The following PDIA5 variants were observed in gnomAD, a reference collection of about 807,000 sequenced individuals.
PDIA5 encodes the protein protein disulfide-isomerase A5.
Under a neutral mutation model 77.6 loss-of-function variants are expected in PDIA5, and 58 were observed. That is an observed-to-expected ratio of 0.75 (90% CI 0.61 to 0.93). The LOEUF is 0.93. Ranked by LOEUF, PDIA5 falls within the 40% of genes least tolerant of loss-of-function variation. The pLI is 0.00. For missense variants in PDIA5, 630 were observed against 647.7 expected (o/e 0.97, Z 0.30); for synonymous variants, 250 against 252.1 (o/e 0.99, Z 0.08).
In PDIA5 at chr3:123,124,127, T is replaced by G; in HGVS notation, c.671T>G (p.Val224Gly). 6.2e-7 allele frequency: 1 copy of G among 1,614,082 alleles called. No individual in the cohort carries two copies. Residue 224 changes from valine (V) to glycine (G), a missense_variant, in exon 9 of 17, where the codon GTG becomes GGG. Val to Gly is a moderately radical substitution (Grantham distance 109, BLOSUM62 -3). Coordinates refer to ENST00000316218, the MANE Select transcript of PDIA5 (RefSeq NM_006810.4). Reference protein sequence around the residue: ...EFENIKEEYSVRGFPTICYFE... With the variant: ...EFENIKEEYSGRGFPTICYFE... ...GAAAACATCAAGGAGGAGTACAGCGTGCGCGGCTTCCCCACCATCTGCTAT... is the reference window on the plus strand; with the variant it reads ...GAAAACATCAAGGAGGAGTACAGCGGGCGCGGCTTCCCCACCATCTGCTAT...
intron 11 of PDIA5, among the ~76,000 whole-genome samples, chr3:123,137,017 T>A (rs544608620): frequency 1.3e-5 from 2 of 152,358 alleles, no homozygotes; most frequent in African/African-American, 4.8e-5. Flanking sequence ...ACAGTGAGCA[T>A]TGGTAAACAT....
At chr3:123,132,847 C>G (rs922486594) in intron 11 of PDIA5, among the ~76,000 whole-genome samples, 7 of 152,204 alleles carry the variant, frequency 4.6e-5, no homozygotes, top group Admixed American at 2.6e-4. Flanking sequence ...CCCCATGTGT[C>G]TGTCCTTCCA....
At chr3:123,099,088 A>G (rs1377614225) in intron 3 of PDIA5, among the ~76,000 whole-genome samples, 1 of 152,172 alleles carries the variant, frequency 6.6e-6, no homozygotes, top group Non-Finnish European at 1.5e-5. Context: ...ACTCACACTT[A>G]TACATTTTGA....
intron 1 of PDIA5, among the ~76,000 whole-genome samples, chr3:123,085,336 C>A (rs922483555): frequency 6.6e-6 from 1 of 152,088 alleles, no homozygotes; most frequent in Non-Finnish European, 1.5e-5. Flanking sequence ...GCTTCAAAAC[C>A]GGATTGGCTA....
chr3:123,084,173 G>T (rs532569291), intron 1 of PDIA5, among the ~76,000 whole-genome samples: 2 of 152,012 alleles, frequency 1.3e-5, no homozygotes, highest in Non-Finnish European at 2.9e-5. Flanking sequence ...ACTAACGCCC[G>T]CACGCCCCCA....
intron 3 of PDIA5, among the ~76,000 whole-genome samples, chr3:123,100,740 T>G (rs2589597): frequency 0.77 from 116,549 of 152,232 alleles, 44,671 homozygotes; most frequent in Middle Eastern, 0.79. Context: ...ATGAGGTCCT[T>G]CGTTTTTTAC....
At chr3:123,114,351 C>T (rs747184904) in intron 7 of PDIA5, among the ~76,000 whole-genome samples, 1 of 148,448 alleles carries the variant, frequency 6.7e-6, no homozygotes, top group African/African-American at 2.6e-5. Context: ...TTTCCCCCAC[C>T]ATGGACTGGG....
At chr3:123,111,120 C>T (rs1229593761) in intron 7 of PDIA5, 116 bp downstream of exon 7, 4 of 744,536 alleles carry the variant, frequency 5.4e-6, no homozygotes, top group Admixed American at 4.1e-5. Flanking sequence ...TGGCTTAGAA[C>T]GCTGAATCTC....
intron 1 of PDIA5, chr3:123,067,491 A>C: frequency 2.7e-6 from 1 of 373,276 alleles, no homozygotes; most frequent in Non-Finnish European, 4.8e-6. Context: ...CTTTGCGGGG[A>C]TGCAGGTCGG....
chr3:123,115,366 G>A (rs538679646), intron 7 of PDIA5, among the ~76,000 whole-genome samples: 170 of 152,288 alleles, frequency 1.1e-3, no homozygotes, highest in Non-Finnish European at 1.4e-3. Flanking sequence ...TTGGGACCTG[G>A]CCTTCCTGGT....
At chr3:123,158,146 A>G (rs1483496726) in intron 15 of PDIA5, among the ~76,000 whole-genome samples, 2 of 152,242 alleles carry the variant, frequency 1.3e-5, no homozygotes, top group East Asian at 3.8e-4. Flanking sequence ...AGACCTGTGT[A>G]AATGTTGACT....
At chr3:123,151,782 G>GCCTGCCTGCCT in intron 14 of PDIA5, among the ~76,000 whole-genome samples, 1 of 50,154 alleles carries the variant, frequency 2.0e-5, no homozygotes, top group African/African-American at 8.3e-5. Flanking sequence ...CTGCCTGCCT[G>GCCTGCCTGCCT]GCCTGCCTTC....
intron 11 of PDIA5, among the ~76,000 whole-genome samples, chr3:123,143,197 AAC>A (rs1474823616): frequency 9.9e-5 from 15 of 151,888 alleles, no homozygotes; most frequent in African/African-American, 3.6e-4. Context: ...CATCCTGGCT[AAC>A]ACAGTGAAAC....
chr3:123,107,411 C>T lies in PDIA5; in HGVS notation c.480+570C>T, dbSNP rs188730816. Reference sequence around the variant, plus strand: ...GTATTTAACAAAAGCTATGACAGGCCGGTTGTGGTAGCGGGTGCCTGTGAT... The same window carrying T: ...GTATTTAACAAAAGCTATGACAGGCTGGTTGTGGTAGCGGGTGCCTGTGAT... On this transcript the variant is annotated intron_variant, in intron 6 of 16. Transcript: ENST00000316218. 7.2e-5 allele frequency among the ~76,000 whole-genome samples: 11 copies of T among 152,160 alleles called. No individual in the cohort carries two copies. In the East Asian group the frequency reaches 1.4e-3, roughly 19 times the overall value.
intron 13 of PDIA5, among the ~76,000 whole-genome samples, chr3:123,149,727 G>A (rs979546913): frequency 7.2e-5 from 11 of 152,234 alleles, no homozygotes; most frequent in East Asian, 1.9e-4. Context: ...AAAAGAAAAC[G>A]GAGGCTCAGA....
intron 8 of PDIA5, among the ~76,000 whole-genome samples, chr3:123,122,845 C>T (rs530897663): frequency 6.6e-6 from 1 of 152,220 alleles, no homozygotes; most frequent in African/African-American, 2.4e-5. Flanking sequence ...GTTCAGCTTC[C>T]TGGGTTTCTT....
intron 14 of PDIA5, among the ~76,000 whole-genome samples, chr3:123,151,770 G>GCCTGCCTGCCTGCCTGGCCTGCCTT (rs1935901498): frequency 8.4e-6 from 1 of 118,478 alleles, no homozygotes; most frequent in Non-Finnish European, 1.8e-5. Context: ...CTGCCTGCCT[G>GCCTGCCTGCCTGCCTGGCCTGCCTT]CCTGCCTGCC....
chr3:123,110,829 C>G (rs1388461651), intron 6 of PDIA5, 115 bp from the exon 7 acceptor site: 8 of 887,790 alleles, frequency 9.0e-6, no homozygotes, highest in Non-Finnish European at 1.5e-5. Context: ...GCTCACTCCC[C>G]CTCCCCTCCC....
intron 3 of PDIA5, among the ~76,000 whole-genome samples, chr3:123,095,618 G>A (rs993400906): frequency 2.0e-5 from 3 of 152,038 alleles, no homozygotes; most frequent in Admixed American, 2.0e-4. Context: ...GTGTGGTGGT[G>A]CATACCTGTA....
Sources: allele counts gnomAD v4.1 joint callset (sites outside exome capture counted in the v4.1 genomes callset), GRCh38; gene constraint gnomAD v4.1.1; transcripts MANE v1.5; gene names NCBI Gene and HGNC (gene_info 2026-07-23, HGNC 2026-07-21).